Variants in PPID observed in about 807,000 individuals in gnomAD.
The protein encoded by PPID is peptidyl-prolyl cis-trans isomerase D.
A neutral mutation model predicts 48.1 loss-of-function variants in PPID; 47 were observed. The observed-to-expected ratio is 0.98, with a 90% CI of 0.77 to 1.25. PPID has a LOEUF of 1.25. Among genes scored for constraint, PPID ranks in the 50% most tolerant of loss-of-function variants. The pLI is 0.00. For missense variants in PPID, 429 were observed against 443.5 expected, an observed-to-expected ratio of 0.97 and a Z score of 0.29; for synonymous variants, 163 against 148.8, an observed-to-expected ratio of 1.10 and a Z score of -0.69.
intron 3 of PPID, among the ~76,000 whole-genome samples, chr4:158,718,228 C>T (rs1774902540): frequency 2.0e-5 from 3 of 152,144 alleles, no homozygotes; most frequent in Non-Finnish European, 1.5e-5. Flanking sequence ...ACCGACGTCC[C>T]TTTTTAAATT....
Position 158,721,411 on chromosome 4 carries a change from G to C in PPID, c.158C>G (p.Thr53Arg), listed in dbSNP as rs749592443. 1 of 1,613,998 alleles carries C rather than the reference G, an allele frequency of 6.2e-7. No homozygotes were observed. The highest frequency in any genetic ancestry group is 1.1e-5 in the South Asian group (1 of 91,082). ...KTAENFRALC[T>R]GEKGIGHTTG... is the part of the protein sequence containing the mutation. ...CGTGTGTCCAATGCCTTTTTCTCCTGTACACAGTGCACGAAAATTTTCCGC... is the reference window on the plus strand; with the variant it reads ...CGTGTGTCCAATGCCTTTTTCTCCTCTACACAGTGCACGAAAATTTTCCGC... The change falls in exon 2 of 10, where the codon ACA becomes AGA. Residue 53 changes from threonine (T) to arginine (R), a missense_variant. Physicochemically the swap from Thr to Arg is moderately conservative, Grantham distance 71. Transcript: ENST00000307720.
rs1774996928 is a variant in PPID, at chr4:158,723,366, T to G, written c.-78A>C. ...CGGGCCGCCCAAACTCCAGAGTCCG[T>G]CTCCGCCGGAGACCGGCAGCGACGC... On this transcript the variant is annotated 5_prime_UTR_variant, in exon 1 of 10. Transcript: ENST00000307720. The G allele has an allele frequency of 2.8e-6, 4 of 1,426,116 alleles. No individual in the cohort carries two copies. The highest frequency in any genetic ancestry group is 3.7e-5 in the Admixed American group (2 of 54,174). 88.3% of individuals were successfully genotyped at this position (1,426,116 alleles called of 1,614,324 possible).
chr4:158,716,032 C>T (rs1774865710), intron 4 of PPID, among the ~76,000 whole-genome samples: 1 of 152,100 alleles, frequency 6.6e-6, no homozygotes, highest in African/African-American at 2.4e-5. Flanking sequence ...TTCCAACTCC[C>T]ACTCACAACC....
chr4:158,715,297 C>A lies in PPID; in HGVS notation c.752G>T (p.Arg251Ile). The A allele has an allele frequency of 6.8e-7, 1 of 1,461,856 alleles. No individual in the cohort carries two copies. Among genetic ancestry groups the A allele is most frequent in the East Asian group, 2.5e-5 (1 of 40,252 alleles). The allele number at this position is 1,461,856 out of a possible 1,614,324, so 90.6% of individuals were successfully genotyped here. ...AATAATTTGTTAGAAATAATATTAC[C>A]TTAAAACTTCTGCATATTTTTTAAT... ...MAIKKYAEVL[R>I]YVDSSKAVIE... Residue 251 changes from arginine (R) to isoleucine (I), a missense_variant and splice_region_variant, in exon 6 of 10, where the codon AGA (arginine) becomes ATA (isoleucine). Coordinates refer to ENST00000307720, the MANE Select transcript of PPID (RefSeq NM_005038.3).
intron 6 of PPID, among the ~76,000 whole-genome samples, chr4:158,714,164 T>A (rs969248165): frequency 1.3e-4 from 20 of 152,170 alleles, no homozygotes; most frequent in Admixed American, 1.3e-3. Flanking sequence ...GATTCAGGCA[T>A]GGATTTTCAA....
chr4:158,713,362 T>A, intron 6 of PPID, 102 bp from the exon 7 acceptor site: 2 of 1,141,166 alleles, frequency 1.8e-6, no homozygotes, highest in Non-Finnish European at 2.3e-6. Flanking sequence ...TAAAAAGCTC[T>A]AAAAATGCTA....
chr4:158,720,632 T>C (rs181560798), intron 2 of PPID, among the ~76,000 whole-genome samples: 359 of 152,350 alleles, frequency 2.4e-3, no homozygotes, highest in Non-Finnish European at 4.2e-3. Flanking sequence ...CTATCACCCA[T>C]GTGCCCAAAA....
At chr4:158,710,025 G>A in intron 9 of PPID, 1 of 558,872 alleles carries the variant, frequency 1.8e-6, no homozygotes, top group Non-Finnish European at 3.1e-6. Context: ...GAGAACTCAA[G>A]TACATCAAGA....
intron 2 of PPID, among the ~76,000 whole-genome samples, chr4:158,721,061 T>C (rs1325938404): frequency 6.6e-6 from 1 of 152,200 alleles, no homozygotes; most frequent in Non-Finnish European, 1.5e-5. Context: ...CTAAGGTTGG[T>C]TGACTACGGC....
intron 7 of PPID, among the ~76,000 whole-genome samples, chr4:158,712,883 A>G (rs1774812261): frequency 6.6e-6 from 1 of 152,120 alleles, no homozygotes; most frequent in African/African-American, 2.4e-5. Flanking sequence ...ATGAGCTGAT[A>G]TATGTGCTTT....
At position 158,709,704 on chromosome 4, in the gene PPID, A is replaced by T. The variant is rs1774747994; in HGVS notation, c.*32T>A. 1 of 1,471,954 alleles carries T rather than the reference A, an allele frequency of 6.8e-7. No individual in the cohort carries two copies. The highest frequency in any genetic ancestry group is 9.4e-7 in the Non-Finnish European group (1 of 1,059,032). The allele number at this position is 1,471,954 out of a possible 1,614,324, so 91.2% of individuals were successfully genotyped here. ...TACATTTTCTTATTGCATTTATACA[A>T]TCAACACACAATAAGCAAAACTGAA... On this transcript the variant is annotated 3_prime_UTR_variant, in exon 10 of 10. Transcript: ENST00000307720.
intron 7 of PPID, among the ~76,000 whole-genome samples, chr4:158,711,961 A>G (rs1390182129): frequency 6.6e-6 from 1 of 152,160 alleles, no homozygotes; most frequent in East Asian, 1.9e-4. Flanking sequence ...AGAACAAAAA[A>G]AAACCCAGAG....
intron 7 of PPID, among the ~76,000 whole-genome samples, chr4:158,712,465 ACT>A (rs1774805708): frequency 1.3e-5 from 2 of 151,716 alleles, no homozygotes; most frequent in South Asian, 4.2e-4. Flanking sequence ...GTGTTATATA[ACT>A]CTCTATAACT....
chr4:158,716,801 T>C (rs530970635), intron 4 of PPID, among the ~76,000 whole-genome samples: 3 of 152,064 alleles, frequency 2.0e-5, no homozygotes, highest in Admixed American at 6.6e-5. Context: ...CTATTAAAAA[T>C]ACAGAAAAAA....
At position 158,719,055 on chromosome 4, in the gene PPID, T is replaced by C. The variant is rs2126337354; in HGVS notation, c.333+125A>G. Reference sequence around the variant, plus strand: ...AAAGAACCATTATTTACAAAAGTGATTCCTATTACAAGAAATGGAGAATCT... The same window carrying C: ...AAAGAACCATTATTTACAAAAGTGACTCCTATTACAAGAAATGGAGAATCT... On this transcript the variant is annotated intron_variant, in intron 3 of 9. Transcript: ENST00000307720. The C allele has an allele frequency of 8.3e-6, 5 of 605,196 alleles. No individual in the cohort carries two copies. In the South Asian group the frequency reaches 1.1e-4, roughly 13 times the overall value. The allele number at this position is 605,196 out of a possible 1,614,324, so 37.5% of individuals were successfully genotyped here.
At chr4:158,721,564 A>G (rs1774960787) in intron 1 of PPID, 81 bp from the exon 2 acceptor site, 2 of 1,481,924 alleles carry the variant, frequency 1.3e-6, no homozygotes, top group East Asian at 2.4e-5. Context: ...TAATTATGGT[A>G]GCAGATCAAT....
At chr4:158,713,294 A>C in intron 6 of PPID, 34 bp from the exon 7 acceptor site, 1 of 1,537,702 alleles carries the variant, frequency 6.5e-7, no homozygotes, top group Non-Finnish European at 8.8e-7. Context: ...AGTATGAAAG[A>C]CCACATAAAC....
intron 1 of PPID, among the ~76,000 whole-genome samples, chr4:158,722,487 G>A (rs919914482): frequency 1.7e-4 from 26 of 152,358 alleles, no homozygotes; most frequent in Non-Finnish European, 3.4e-4. Flanking sequence ...CTGAATGTAC[G>A]TGTAAACGTG....
In PPID at chr4:158,723,345, C is replaced by A. The variant is rs1236094233; in HGVS notation, c.-57G>T. On this transcript the variant is annotated 5_prime_UTR_variant, in exon 1 of 10. Transcript: ENST00000307720. ...TCAGAGTACCTAGTGGCCGCCCGGG[C>A]CGCCCAAACTCCAGAGTCCGTCTCC... 3.6e-5 allele frequency: 55 copies of A among 1,532,236 alleles called. 1 individual carries two copies. In the South Asian group the frequency reaches 5.8e-4, roughly 16 times the overall value. 94.9% of individuals were successfully genotyped at this position (1,532,236 alleles called of 1,614,324 possible).
Sources: gnomAD v4.1 joint callset for allele counts (sites outside exome capture counted in the v4.1 genomes callset) on GRCh38, gnomAD v4.1.1 for gene constraint, MANE v1.5 for transcripts, NCBI Gene and HGNC (gene_info 2026-07-23, HGNC 2026-07-21) for gene names.